LRR1: variants seen among roughly 807,000 people sequenced by gnomAD.
LRR1 encodes the protein leucine-rich repeat protein 1.
Under a neutral mutation model 31.6 loss-of-function variants are expected in LRR1, and 29 were observed. The observed-to-expected ratio is 0.92, with a 90% CI of 0.68 to 1.25. The LOEUF (loss-of-function observed/expected upper bound fraction) is 1.25. Ranked by LOEUF, LRR1 falls within the 50% of genes most tolerant of loss-of-function variation. LRR1 has a pLI of 0.00. For missense variants in LRR1, 485 were observed against 487.2 expected (o/e 1.00, Z 0.04); for synonymous variants, 179 against 181.4 (o/e 0.99, Z 0.10).
At chr14:49,607,080 G>T in intron 2 of LRR1, among the ~76,000 whole-genome samples, 1 of 150,850 alleles carries the variant, frequency 6.6e-6, no homozygotes. Context: ...GCCCAGGCTG[G>T]AGGGCAGTGA....
Position 49,607,967 on chromosome 14 carries a change from C to T in LRR1, c.850C>T (p.Leu284Phe). Residue 284 changes from leucine (L) to phenylalanine (F), a missense_variant, in exon 3 of 4, where the codon CTT becomes TTT. Physicochemically the swap from Leu to Phe is conservative, Grantham distance 22. Around this residue, in one of 3 missense-constraint regions of LRR1, gnomAD observed 210 missense variants for 200.4 expected, o/e 1.05. Transcript: ENST00000298288. ...CTTTTTGTCAGCAGCTCGAAATAAG[C>T]TTCCATTTTTGCCTAGTGAATTTAG... The part of the protein sequence containing the change: ...LRFLSAARNK[L>F]PFLPSEFRNL... The T allele has an allele frequency of 6.2e-7, 1 of 1,614,100 alleles. No homozygotes were observed. Among genetic ancestry groups the T allele is most frequent in the Non-Finnish European group, 8.5e-7 (1 of 1,180,020 alleles).
intron 3 of LRR1, chr14:49,612,694 T>G (rs1178902645): frequency 2.1e-6 from 2 of 967,640 alleles, no homozygotes; most frequent in Non-Finnish European, 1.3e-6. Flanking sequence ...AAACTCTCAT[T>G]TTAAGTTGTA....
Position 49,603,311 on chromosome 14 carries a change from C to T in LRR1, c.282+843C>T, listed in dbSNP as rs1375605346. Among the ~76,000 whole-genome samples the T allele has an allele frequency of 2.0e-5, 3 of 152,108 alleles. No homozygotes were observed. In the East Asian group the frequency reaches 5.8e-4, roughly 29 times the overall value. ...GGGCAAAGTCTGCCTCAGTAAGATTCCCAGGATGGGAAGAAAACTGGGTTT... is the reference window on the plus strand; with the variant it reads ...GGGCAAAGTCTGCCTCAGTAAGATTTCCAGGATGGGAAGAAAACTGGGTTT... On this transcript the variant is annotated intron_variant, in intron 2 of 3. Transcript: ENST00000298288.
Position 49,601,620 on chromosome 14 carries a change from A to G in LRR1, c.184-750A>G, listed in dbSNP as rs1022150995. 3.1e-6 allele frequency: 4 copies of G among 1,289,506 alleles called. No homozygotes were observed. In the Admixed American group the frequency reaches 9.2e-5, roughly 30 times the overall value. 79.9% of individuals were successfully genotyped at this position (1,289,506 alleles called of 1,614,324 possible). On this transcript the variant is annotated intron_variant, in intron 1 of 3. Transcript: ENST00000298288. ...ATATAACCTACTGGGAGGTGTGCCC[A>G]CCCCAGGCTAATGGACTGAAGTTAT...
chr14:49,610,306 G>A (rs1410974386), intron 3 of LRR1, among the ~76,000 whole-genome samples: 3 of 15,816 alleles, frequency 1.9e-4, no homozygotes, highest in African/African-American at 5.8e-4. Flanking sequence ...AGTGCAGTGC[G>A]CAAGCGGCTG....
rs186408842 is a variant in LRR1, at chr14:49,606,052, G to A, written c.283-1348G>A. On this transcript the variant is annotated intron_variant, in intron 2 of 3. Coordinates refer to ENST00000298288, the MANE Select transcript of LRR1 (RefSeq NM_152329.4). ...TTTTTTCTTTTTTTTTTTTTTATAT[G>A]GAGTCGCTCTGTCGCCCAGGCTGCC... is the stretch of plus-strand genomic sequence containing the variant. Among the ~76,000 whole-genome samples the A allele has an allele frequency of 8.1e-5, 11 of 136,388 alleles. No homozygotes were observed. The East Asian group carries it at 2.2e-3, about 27-fold the overall frequency. 89.5% of individuals were successfully genotyped at this position (136,388 alleles called of 152,430 possible). A position where few individuals can be genotyped will look rare whatever the true frequency, so the allele number is the denominator to read the frequency against.
At position 49,614,283 on chromosome 14, in the gene LRR1, A is replaced by G. The variant is rs370443692; in HGVS notation, c.1032A>G (p.Pro344=). The G allele has an allele frequency of 2.5e-6, 4 of 1,613,344 alleles. No individual in the cohort carries two copies. Among genetic ancestry groups the G allele is most frequent in the African/African-American group, 2.7e-5 (2 of 74,902 alleles). Residue 344 remains proline, a synonymous_variant, in exon 4 of 4, where the codon CCA becomes CCG. Coordinates refer to ENST00000298288, the MANE Select transcript of LRR1 (RefSeq NM_152329.4). ...TTCCATATGGCTCTCATATCATTCC[A>G]TTCCATCTCTGCCAAGATTTGGATA... ...NRIPYGSHII[P]FHLCQDLDTA...
intron 1 of LRR1, 119 bp downstream of exon 1, chr14:49,599,322 C>G: frequency 2.6e-6 from 3 of 1,167,848 alleles, no homozygotes; most frequent in Non-Finnish European, 3.5e-6. Context: ...TTGGGGGTTC[C>G]TGAACTCCCA....
At position 49,599,124 on chromosome 14, in the gene LRR1, A is replaced by G; in HGVS notation, c.104A>G (p.Gln35Arg). 2.5e-6 allele frequency: 4 copies of G among 1,609,148 alleles called. No homozygotes were observed. The highest frequency in any genetic ancestry group is 2.2e-5 in the South Asian group (2 of 90,034). Reference sequence around the variant, plus strand: ...CGAGCCGTGTTGAGCCTCTGTCAGCAGACTTCCAGGAGTCAGCCGCCGGTC... The same window carrying G: ...CGAGCCGTGTTGAGCCTCTGTCAGCGGACTTCCAGGAGTCAGCCGCCGGTC... ...GVRAVLSLCQ[Q>R]TSRSQPPVRA... Residue 35 changes from glutamine to arginine, a missense_variant, in exon 1 of 4, where the codon CAG becomes CGG. Physicochemically the swap from Gln to Arg is conservative, Grantham distance 43. Transcript: ENST00000298288.
Position 49,607,404 on chromosome 14 carries a change from T to C in LRR1, c.287T>C (p.Ile96Thr). The stretch of plus-strand genomic sequence containing the variant: ...CTACAACTTTTATTTATTCAGGCCA[T>C]TTCCAGCAGTTTAAAAGGTTTCCTT... ...PPVDICLSKA[I>T]SSSLKGFLSA... The change falls in exon 3 of 4, where the codon ATT becomes ACT. Residue 96 changes from isoleucine (I) to threonine (T), a missense_variant. Transcript: ENST00000298288. 6.4e-7 allele frequency: 1 copy of C among 1,556,846 alleles called. No individual in the cohort carries two copies. Among genetic ancestry groups the C allele is most frequent in the African/African-American group, 1.4e-5 (1 of 72,284 alleles).
At chr14:49,602,143 T>G (rs1882084053) in intron 1 of LRR1, among the ~76,000 whole-genome samples, 2 of 9,370 alleles carry the variant, frequency 2.1e-4, no homozygotes, top group Non-Finnish European at 3.6e-4. Context: ...AAAACAACTT[T>G]TTTTTTTTTT....
intron 3 of LRR1, among the ~76,000 whole-genome samples, chr14:49,608,406 ATTTTTTTTTTTTTTTTTTTTTTTTT>A (rs71408651): frequency 0.012 from 246 of 21,102 alleles, 4 homozygotes; most frequent in Middle Eastern, 0.045. Context: ...ACATTGCTTG[ATTTTTTTTTTTTTTTTTTTTTTTTT>A]TTTTTTTTTT....
intron 3 of LRR1, 32 bp from the exon 4 acceptor site, chr14:49,614,224 T>C: frequency 1.9e-6 from 3 of 1,588,452 alleles, no homozygotes; most frequent in East Asian, 2.2e-5. Flanking sequence ...TAGTAACATG[T>C]TATAAAATAT....
At chr14:49,611,608 A>T (rs1309141109) in intron 3 of LRR1, among the ~76,000 whole-genome samples, 1 of 151,984 alleles carries the variant, frequency 6.6e-6, no homozygotes, top group Non-Finnish European at 1.5e-5. Context: ...TGTTTCTCTA[A>T]GACATACATA....
chr14:49,604,897 CT>C (rs200215128), intron 2 of LRR1, among the ~76,000 whole-genome samples: 1 of 151,050 alleles, frequency 6.6e-6, no homozygotes, highest in South Asian at 2.1e-4. Context: ...TTCAACCTTG[CT>C]TTTTTTTTCT....
At chr14:49,609,425 G>C (rs991477669) in intron 3 of LRR1, among the ~76,000 whole-genome samples, 1 of 151,612 alleles carries the variant, frequency 6.6e-6, no homozygotes, top group Admixed American at 6.6e-5. Context: ...ATTTGTTTGA[G>C]ACAGAGTCTC....
intron 1 of LRR1, chr14:49,600,528 A>G (rs1882014605): frequency 1.9e-6 from 3 of 1,566,662 alleles, no homozygotes; most frequent in Admixed American, 1.7e-5. Flanking sequence ...TGATGAGGCT[A>G]TCATAGCCAT....
chr14:49,599,973 A>T, intron 1 of LRR1: 1 of 1,575,740 alleles, frequency 6.3e-7, no homozygotes, highest in Non-Finnish European at 8.6e-7. Context: ...CCATGCCCGG[A>T]GGCCGGCCGG....
Position 49,607,710 on chromosome 14 carries a change from A to G in LRR1, c.593A>G (p.Asp198Gly). 6.2e-7 allele frequency: 1 copy of G among 1,609,516 alleles called. No individual in the cohort carries two copies. Among genetic ancestry groups the G allele is most frequent in the Non-Finnish European group, 8.5e-7 (1 of 1,178,388 alleles). Residue 198 changes from aspartate to glycine, a missense_variant, in exon 3 of 4, where the codon GAC becomes GGC. Coordinates refer to ENST00000298288, the MANE Select transcript of LRR1 (RefSeq NM_152329.4). Reference protein sequence around the residue: ...HIKKLPATIGDLIHLQELNLN... With the variant: ...HIKKLPATIGGLIHLQELNLN... ...AAAAAGCTTCCAGCTACAATTGGAG[A>G]CCTCATACACCTTCAAGAACTTAAC...
Sources: allele counts gnomAD v4.1 joint callset (sites outside exome capture counted in the v4.1 genomes callset), GRCh38; gene constraint gnomAD v4.1.1; regional missense constraint gnomAD v4.1.1; transcripts MANE v1.5; gene names NCBI Gene and HGNC (gene_info 2026-07-23, HGNC 2026-07-21).